PROK2: variants seen among roughly 807,000 people sequenced by gnomAD.
The protein encoded by PROK2 is prokineticin-2.
In PROK2, 8 loss-of-function variants were observed where a neutral mutation model predicts 14.2. That is an observed-to-expected ratio of 0.56 (90% confidence interval 0.33 to 1.02). The LOEUF is 1.02. Ranked by LOEUF, PROK2 falls within the 50% of genes least tolerant of loss-of-function variation. The pLI is 0.03. For missense variants in PROK2, 154 were observed against 160.4 expected (o/e 0.96, Z 0.22); for synonymous variants, 59 against 60.7 (o/e 0.97, Z 0.13).
At chr3:71,778,058 G>A (rs781460197) in intron 2 of PROK2, among the ~76,000 whole-genome samples, 11 of 152,122 alleles carry the variant, frequency 7.2e-5, no homozygotes, top group Admixed American at 2.0e-4. Flanking sequence ...TTAGCCGGGC[G>A]TGGTTGTGGG....
chr3:71,784,151 G>A (rs1437861915), intron 1 of PROK2, among the ~76,000 whole-genome samples: 1 of 152,160 alleles, frequency 6.6e-6, no homozygotes, highest in African/African-American at 2.4e-5. Flanking sequence ...ATGTAAACTA[G>A]ACTATTTAGT....
chr3:71,783,263 T>C (rs532231717), intron 1 of PROK2, among the ~76,000 whole-genome samples: 2 of 152,214 alleles, frequency 1.3e-5, no homozygotes, highest in Non-Finnish European at 2.9e-5. Flanking sequence ...CAATGTATCT[T>C]GATAAGTTAC....
rs1472593945 is a variant in PROK2 at position 71,771,826 on chromosome 3, AAATGGT to A, written c.*892_*897del. 6.5e-6 allele frequency: 1 copy of A among 152,680 alleles called. No individual in the cohort carries two copies. Among genetic ancestry groups the A allele is most frequent in the African/African-American group, 2.4e-5 (1 of 41,460 alleles). The allele number at this position is 152,680 out of a possible 1,614,324, so 9.5% of individuals were successfully genotyped here. On this transcript the variant is annotated 3_prime_UTR_variant, in exon 4 of 4. Transcript: ENST00000295619. ...AAATTACAACTTAATACTGCTTTAA[AAATGGT>A]AATTAGTGTTGTGCCAGATTAAAAT...
At chr3:71,780,287 C>T (rs1203220591) in intron 2 of PROK2, among the ~76,000 whole-genome samples, 1 of 152,230 alleles carries the variant, frequency 6.6e-6, no homozygotes, top group Non-Finnish European at 1.5e-5. Context: ...TTATAGCTTG[C>T]AGAGTTAAAC....
Position 71,772,548 on chromosome 3 carries a change from T to C in PROK2, c.*176A>G. The C allele has an allele frequency of 1.6e-6, 1 of 636,190 alleles. No homozygotes were observed. Among genetic ancestry groups the C allele is most frequent in the Non-Finnish European group, 2.7e-6 (1 of 364,448 alleles). The allele number at this position is 636,190 out of a possible 1,614,324, so 39.4% of individuals were successfully genotyped here. The stretch of plus-strand genomic sequence containing the variant: ...TTCATATTTCTATCCAAAAGTAAAA[T>C]TCTCTTTCGATAAAAAAAAAAAAAA... On this transcript the variant is annotated 3_prime_UTR_variant, in exon 4 of 4. Coordinates refer to ENST00000295619, the MANE Select transcript of PROK2 (RefSeq NM_001126128.2).
intron 2 of PROK2, among the ~76,000 whole-genome samples, chr3:71,775,552 A>G (rs781171028): frequency 4.6e-5 from 7 of 152,204 alleles, no homozygotes. Flanking sequence ...GCCATGGGTC[A>G]GGTCTCAGAA....
At chr3:71,773,019 G>A (rs991346394) in intron 3 of PROK2, among the ~76,000 whole-genome samples, 191 bp from the exon 4 acceptor site, 21 of 152,040 alleles carry the variant, frequency 1.4e-4, no homozygotes, top group African/African-American at 4.6e-4. Context: ...TTGCTCTGTC[G>A]TCCAGGCTGG....
At chr3:71,776,397 G>A (rs2050120474) in intron 2 of PROK2, among the ~76,000 whole-genome samples, 1 of 85,948 alleles carries the variant, frequency 1.2e-5, no homozygotes, top group Admixed American at 1.8e-4. Flanking sequence ...TTTTGAGACA[G>A]AGTCTTGCTC....
chr3:71,774,626 A>C, intron 2 of PROK2, 119 bp from the exon 3 acceptor site: 2 of 1,333,898 alleles, frequency 1.5e-6, no homozygotes, highest in East Asian at 2.5e-5. Flanking sequence ...AAGCCATCCC[A>C]GTTCCTCTGT....
At chr3:71,774,544 A>G in intron 2 of PROK2, 37 bp from the exon 3 acceptor site, 3 of 1,545,116 alleles carry the variant, frequency 1.9e-6, no homozygotes, top group Non-Finnish European at 2.6e-6. Flanking sequence ...ATCAATAAAT[A>G]CAAAGGGAAG....
In PROK2 at chr3:71,773,880, T is replaced by C. The variant is rs185796700; in HGVS notation, c.285+565A>G. ...TGGCAAATGGTATACACACCAAATA[T>C]GTATGCTTTCTAGAATAAAGATAGC... On this transcript the variant is annotated intron_variant, in intron 3 of 3. Coordinates refer to ENST00000295619, the MANE Select transcript of PROK2 (RefSeq NM_001126128.2). 8.7e-4 allele frequency among the ~76,000 whole-genome samples: 132 copies of C among 152,286 alleles called. 1 individual carries two copies. The highest frequency in any genetic ancestry group is 1.6e-3 in the Non-Finnish European group (109 of 68,022).
chr3:71,777,192 T>C (rs2050126817), intron 2 of PROK2, among the ~76,000 whole-genome samples: 1 of 152,230 alleles, frequency 6.6e-6, no homozygotes, highest in Non-Finnish European at 1.5e-5. Flanking sequence ...GACTAAAGCC[T>C]ATTTCTGTCT....
chr3:71,781,546 A>G lies in PROK2; in HGVS notation c.143T>C (p.Val48Ala). The part of the protein sequence containing the change: ...SQCGGGMCCA[V>A]SIWVKSIRIC... ...CCTTATGCTCTTGACCCAGATACTGACAGCACAGCACATGCCTCCACCACA... is the reference window on the plus strand; with the variant it reads ...CCTTATGCTCTTGACCCAGATACTGGCAGCACAGCACATGCCTCCACCACA... Residue 48 changes from valine (V) to alanine (A), a missense_variant, in exon 2 of 4, where the codon GTC becomes GCC. Transcript: ENST00000295619. 1 of 1,612,426 alleles carries G rather than the reference A, an allele frequency of 6.2e-7. No individual in the cohort carries two copies. Among genetic ancestry groups the G allele is most frequent in the Non-Finnish European group, 8.5e-7 (1 of 1,178,452 alleles).
chr3:71,783,899 C>T (rs1384431528), intron 1 of PROK2, among the ~76,000 whole-genome samples: 2 of 152,128 alleles, frequency 1.3e-5, no homozygotes, highest in African/African-American at 4.8e-5. Flanking sequence ...TTTCAAAATT[C>T]TATAAACCTA....
chr3:71,776,708 G>A (rs144314179), intron 2 of PROK2, among the ~76,000 whole-genome samples: 1 of 152,080 alleles, frequency 6.6e-6, no homozygotes, highest in African/African-American at 2.4e-5. Flanking sequence ...TTATACACTC[G>A]GTAGATGCTT....
At chr3:71,774,664 T>C (rs2050104871) in intron 2 of PROK2, among the ~76,000 whole-genome samples, 157 bp from the exon 3 acceptor site, 1 of 151,916 alleles carries the variant, frequency 6.6e-6, no homozygotes, top group South Asian at 2.1e-4. Context: ...ACTTCCCAGG[T>C]TCTAATGACA....
chr3:71,775,372 G>C (rs1226495756), intron 2 of PROK2, among the ~76,000 whole-genome samples: 1 of 152,204 alleles, frequency 6.6e-6, no homozygotes, highest in Admixed American at 6.5e-5. Context: ...GTGCATCGTG[G>C]AGCTTCCCTC....
chr3:71,776,364 A>ATTTTTTTTTTTTTTTTTTTTTTTTT (rs58407323), intron 2 of PROK2, among the ~76,000 whole-genome samples: 2 of 75,436 alleles, frequency 2.7e-5, no homozygotes, highest in African/African-American at 1.0e-4. Context: ...TTCGCTTTTC[A>ATTTTTTTTTTTTTTTTTTTTTTTTT]TTTTTTTTTT....
intron 2 of PROK2, among the ~76,000 whole-genome samples, chr3:71,775,651 G>A (rs1232472181): frequency 1.3e-5 from 2 of 152,166 alleles, no homozygotes; most frequent in East Asian, 3.8e-4. Flanking sequence ...TTGAGGTGAA[G>A]CAAAGGTCCT....
Sources: gnomAD v4.1 joint callset for allele counts (sites outside exome capture counted in the v4.1 genomes callset) on GRCh38, gnomAD v4.1.1 for gene constraint, MANE v1.5 for transcripts, NCBI Gene and HGNC (gene_info 2026-07-23, HGNC 2026-07-21) for gene names.